Variants in TIRAP observed in about 807,000 individuals in gnomAD.
TIRAP encodes the protein toll/interleukin-1 receptor domain-containing adapter protein.
In TIRAP, 20 loss-of-function variants were observed where a neutral mutation model predicts 19.8. The ratio of observed to expected loss-of-function variants is 1.01; its 90% CI spans 0.71 to 1.47. The LOEUF is 1.47. Among genes scored for constraint, TIRAP ranks in the 40% most tolerant of loss-of-function variants. TIRAP has a pLI of 0.00. For missense variants in TIRAP, 276 were observed against 285.1 expected, an observed-to-expected ratio of 0.97 and a Z score of 0.23; for synonymous variants, 125 against 121.7, an observed-to-expected ratio of 1.03 and a Z score of -0.18.
intron 1 of TIRAP, among the ~76,000 whole-genome samples, chr11:126,289,139 C>T (rs646005): frequency 0.6 from 90,591 of 152,118 alleles, 27,983 homozygotes; most frequent in East Asian, 0.98. Flanking sequence ...CCATTCCAAC[C>T]CTTTGCTCTG....
rs747051110 is a variant in TIRAP at position 126,292,719 on chromosome 11, G to T, written c.310G>T (p.Val104Phe). The change falls in exon 4 of 5, where the codon GTC (valine) becomes TTC (phenylalanine). Residue 104 changes from valine (V) to phenylalanine (F), a missense_variant. Physicochemically the swap from Val to Phe is conservative, Grantham distance 50 (BLOSUM62 -1). Transcript: ENST00000392679. ...AGACCTGGTGGCCGCCCAGGACCTG[G>T]TCTCCTACTTGGAAGGCAGCACTGC... is the stretch of plus-strand genomic sequence containing the variant. ...EEDLVAAQDL[V>F]SYLEGSTASL... 11 of 1,613,442 alleles carry T rather than the reference G, an allele frequency of 6.8e-6. No individual in the cohort carries two copies. The African/African-American group carries it at 1.3e-4, about 20-fold the overall frequency.
rs368658841 is a variant in TIRAP, at chr11:126,291,570, G to A, written c.67+609G>A. On this transcript the variant is annotated intron_variant, in intron 3 of 4. Coordinates refer to ENST00000392679, the MANE Select transcript of TIRAP (RefSeq NM_001318777.2). This position sits in a 1 kb window ranked among gnomAD's most constrained non-coding sequence, Gnocchi z 5.6. ...AAAGCCGTGTCCCTGACTCCAGAGT[G>A]TGGGTTCTGAATCACGAAGCTCTCT... 1,017 of 513,730 alleles carry A rather than the reference G, an allele frequency of 2.0e-3. 16 individuals are homozygous for A. Among genetic ancestry groups the A allele is most frequent in the South Asian group, 0.013 (874 of 65,762 alleles). The allele number at this position is 513,730 out of a possible 1,614,324, so 31.8% of individuals were successfully genotyped here. A position where few individuals can be genotyped will look rare whatever the true frequency, so the allele number is the denominator to read the frequency against.
chr11:126,292,923 G>A lies in TIRAP; in HGVS notation c.514G>A (p.Glu172Lys), dbSNP rs777871896. The A allele has an allele frequency of 7.4e-6, 12 of 1,613,780 alleles. No homozygotes were observed. The highest frequency in any genetic ancestry group is 2.2e-5 in the South Asian group (2 of 91,078). The change falls in exon 4 of 5, where the codon GAG (glutamate) becomes AAG (lysine). Residue 172 changes from glutamate to lysine, a missense_variant. Coordinates refer to ENST00000392679, the MANE Select transcript of TIRAP (RefSeq NM_001318777.2). Reference sequence around the variant, plus strand: ...GGCCCTGACCGAGGCTCCAGGGGCCGAGGGCTGCACCATCCCCCTGCTGTC... The same window carrying A: ...GGCCCTGACCGAGGCTCCAGGGGCCAAGGGCTGCACCATCCCCCTGCTGTC... The part of the protein sequence containing the change: ...LQALTEAPGA[E>K]GCTIPLLSGL...
Position 126,292,595 on chromosome 11 carries a change from C to G in TIRAP, c.186C>G (p.Ser62Arg), listed in dbSNP as rs1374643478. ...ACAGCCCACTACCCCCAAGCCTCAG[C>G]TCAGTCACGTCTCCCAGCCTGCCAC... ...SQDSPLPPSL[S>R]SVTSPSLPPT... Residue 62 changes from serine to arginine, a missense_variant, in exon 4 of 5, where the codon AGC becomes AGG. Coordinates refer to ENST00000392679, the MANE Select transcript of TIRAP (RefSeq NM_001318777.2). 1.2e-6 allele frequency: 2 copies of G among 1,614,206 alleles called. No individual in the cohort carries two copies. Among genetic ancestry groups the G allele is most frequent in the Non-Finnish European group, 1.7e-6 (2 of 1,180,042 alleles).
chr11:126,290,853 A>C lies in TIRAP; in HGVS notation c.-42A>C. 6.4e-7 allele frequency: 1 copy of C among 1,574,690 alleles called. No individual in the cohort carries two copies. Among genetic ancestry groups the C allele is most frequent in the Non-Finnish European group, 8.6e-7 (1 of 1,158,928 alleles). On this transcript the variant is annotated 5_prime_UTR_variant, in exon 3 of 5. Coordinates refer to ENST00000392679, the MANE Select transcript of TIRAP (RefSeq NM_001318777.2). This position sits in a 1 kb window ranked among gnomAD's most constrained non-coding sequence, Gnocchi z 4.9. ...TGGGTCTCCTCCCTCCTCCCCCTTC[A>C]CCAATGCCTGGTCTCACGGGGCTAG...
In TIRAP at chr11:126,294,686, G is replaced by A. The variant is rs1951451800; in HGVS notation, c.*999G>A. 1 of 369,064 alleles carries A rather than the reference G, an allele frequency of 2.7e-6. No individual in the cohort carries two copies. The highest frequency in any genetic ancestry group is 5.5e-6 in the Non-Finnish European group (1 of 182,574). 22.9% of individuals were successfully genotyped at this position (369,064 alleles called of 1,614,324 possible). A position where few individuals can be genotyped will look rare whatever the true frequency, so the allele number is the denominator to read the frequency against. On this transcript the variant is annotated 3_prime_UTR_variant, in exon 5 of 5. Transcript: ENST00000392679. Reference sequence around the variant, plus strand: ...AATGAATTTCATTATTTCCTCCAATGTGTACTTTTGTGCCCCCCTCTCACT... The same window carrying A: ...AATGAATTTCATTATTTCCTCCAATATGTACTTTTGTGCCCCCCTCTCACT...
rs1049444148 is a variant in TIRAP at position 126,287,487 on chromosome 11, A to T, written c.-216-2975A>T. Among the ~76,000 whole-genome samples, 1 of 150,958 alleles carries T rather than the reference A, an allele frequency of 6.6e-6. No homozygotes were observed. The highest frequency in any genetic ancestry group is 2.5e-5 in the African/African-American group (1 of 40,478). On this transcript the variant is annotated intron_variant, in intron 1 of 4. Coordinates refer to ENST00000392679, the MANE Select transcript of TIRAP (RefSeq NM_001318777.2). This position sits in a 1 kb window ranked among gnomAD's most constrained non-coding sequence, Gnocchi z 4.2. ...AGGCACGCACCACCACGCTTAGCTAATTTTTGTATTTTTAGTAGAGACAGG... is the reference window on the plus strand; with the variant it reads ...AGGCACGCACCACCACGCTTAGCTATTTTTTGTATTTTTAGTAGAGACAGG...
At position 126,291,150 on chromosome 11, in the gene TIRAP, C is replaced by A; in HGVS notation, c.67+189C>A. ...TGAGGAGGGGAGGCCTGCGTCAGCT[C>A]AGCCAGATCTTTATCCTTTTGGCTC... On this transcript the variant is annotated intron_variant, in intron 3 of 4. Coordinates refer to ENST00000392679, the MANE Select transcript of TIRAP (RefSeq NM_001318777.2). The surrounding 1 kb of genome is among the most constrained non-coding windows in gnomAD (Gnocchi z 5.6). 1.4e-6 allele frequency: 1 copy of A among 729,430 alleles called. No homozygotes were observed. The allele number at this position is 729,430 out of a possible 1,614,324, so 45.2% of individuals were successfully genotyped here. A position where few individuals can be genotyped will look rare whatever the true frequency, so the allele number is the denominator to read the frequency against.
In TIRAP at chr11:126,287,713, T is replaced by C. The variant is rs559126856; in HGVS notation, c.-216-2749T>C. The stretch of plus-strand genomic sequence containing the variant: ...AAAGCATTCTAGAAAGCACTAAAGG[T>C]ATTGTGCTACTTCTTTTCTGAAGAA... On this transcript the variant is annotated intron_variant, in intron 1 of 4. Transcript: ENST00000392679. This position sits in a 1 kb window ranked among gnomAD's most constrained non-coding sequence, Gnocchi z 4.2. Among the ~76,000 whole-genome samples the C allele has an allele frequency of 3.0e-4, 46 of 152,236 alleles. No homozygotes were observed. The highest frequency in any genetic ancestry group is 1.1e-3 in the African/African-American group (44 of 41,532).
Position 126,287,009 on chromosome 11 carries a change from T to TCC in TIRAP, c.-216-3452_-216-3451insCC, listed in dbSNP as rs1951329637. ...CCTTCCTGCCTCCCTCTTGAAAGGATCTTTGTGGTTACATTAAACTCACCT... is the reference window on the plus strand; with the variant it reads ...CCTTCCTGCCTCCCTCTTGAAAGGATCCCTTTGTGGTTACATTAAACTCACCT... On this transcript the variant is annotated intron_variant, in intron 1 of 4. Coordinates refer to ENST00000392679, the MANE Select transcript of TIRAP (RefSeq NM_001318777.2). The surrounding 1 kb of genome is among the most constrained non-coding windows in gnomAD (Gnocchi z 4.2). 6.6e-6 allele frequency among the ~76,000 whole-genome samples: 1 copy of TCC among 152,144 alleles called. No homozygotes were observed. The highest frequency in any genetic ancestry group is 6.5e-5 in the Admixed American group (1 of 15,278).
chr11:126,285,592 G>A (rs537974263), intron 1 of TIRAP, among the ~76,000 whole-genome samples: 2 of 151,888 alleles, frequency 1.3e-5, no homozygotes, highest in East Asian at 1.9e-4. Context: ...TTTAACCCTC[G>A]GGAGATTGCC....
chr11:126,292,782 C>T lies in TIRAP; in HGVS notation c.373C>T (p.Pro125Ser). 3 of 1,612,886 alleles carry T rather than the reference C, an allele frequency of 1.9e-6. No individual in the cohort carries two copies. Among genetic ancestry groups the T allele is most frequent in the Non-Finnish European group, 2.5e-6 (3 of 1,179,750 alleles). Reference sequence around the variant, plus strand: ...CTTCCTGCAACTCCGGGATGCAACCCCAGGCGGCGCTATAGTGTCCGAGCT... The same window carrying T: ...CTTCCTGCAACTCCGGGATGCAACCTCAGGCGGCGCTATAGTGTCCGAGCT... Reference protein sequence around the residue: ...RCFLQLRDATPGGAIVSELCQ... With the variant: ...RCFLQLRDATSGGAIVSELCQ... Residue 125 changes from proline (P) to serine (S), a missense_variant, in exon 4 of 5, where the codon CCA becomes TCA. Pro to Ser is a moderately conservative substitution (Grantham distance 74). Transcript: ENST00000392679.
Position 126,290,209 on chromosome 11 carries a change from C to T in TIRAP, c.-216-253C>T, listed in dbSNP as rs905561127. ...AGTTTAGCAAGGTGGCCAAAGGTCA[C>T]GGTTAACCAGAGATGAGAATCAGGC... On this transcript the variant is annotated intron_variant, in intron 1 of 4. Transcript: ENST00000392679. This position sits in a 1 kb window ranked among gnomAD's most constrained non-coding sequence, Gnocchi z 4.9. Among the ~76,000 whole-genome samples the T allele has an allele frequency of 7.9e-5, 12 of 152,182 alleles. No homozygotes were observed. Among genetic ancestry groups the T allele is most frequent in the East Asian group, 3.8e-4 (2 of 5,198 alleles).
rs754727557 is a variant in TIRAP at position 126,292,677 on chromosome 11, G to A, written c.268G>A (p.Val90Met). ...CTGGAGCAAAGACTATGACGTCTGC[G>A]TGTGCCACAGTGAGGAAGACCTGGT... ...SRWSKDYDVCVCHSEEDLVAA... is the reference protein window; with the variant it reads ...SRWSKDYDVCMCHSEEDLVAA... The change falls in exon 4 of 5, where the codon GTG (valine) becomes ATG (methionine). Residue 90 changes from valine to methionine, a missense_variant. Physicochemically the swap from Val to Met is conservative, Grantham distance 21. Transcript: ENST00000392679. 1.6e-5 allele frequency: 26 copies of A among 1,613,974 alleles called. No individual in the cohort carries two copies. Among genetic ancestry groups the A allele is most frequent in the Admixed American group, 1.0e-4 (6 of 60,002 alleles).
chr11:126,287,310 C>G lies in TIRAP; in HGVS notation c.-216-3152C>G, dbSNP rs1018026657. ...CCAGTTTGATATTGGATACTAAATA[C>G]ACTTTGGATTTTTTTTTTTTTATTT... On this transcript the variant is annotated intron_variant, in intron 1 of 4. Transcript: ENST00000392679. The surrounding 1 kb of genome is among the most constrained non-coding windows in gnomAD (Gnocchi z 4.2). Among the ~76,000 whole-genome samples, 9 of 150,362 alleles carry G rather than the reference C, an allele frequency of 6.0e-5. No homozygotes were observed. Among genetic ancestry groups the G allele is most frequent in the African/African-American group, 1.9e-4 (8 of 41,144 alleles).
chr11:126,293,156 G>A (rs770014584), intron 4 of TIRAP, 101 bp downstream of exon 4: 16 of 1,579,226 alleles, frequency 1.0e-5, no homozygotes, highest in African/African-American at 5.4e-5. Context: ...AGTTCAAAGC[G>A]CAGCTTCTGG....
intron 4 of TIRAP, chr11:126,293,393 A>G (rs991451023): frequency 2.8e-5 from 20 of 703,552 alleles, no homozygotes; most frequent in Non-Finnish European, 4.7e-5. Context: ...GTTAATAGCT[A>G]GTAGTAGTAA....
rs756386841 is a variant in TIRAP, at chr11:126,292,866, C to G, written c.457C>G (p.Gln153Glu). 2.2e-5 allele frequency: 35 copies of G among 1,613,268 alleles called. No individual in the cohort carries two copies. In the African/African-American group the frequency reaches 4.4e-4, roughly 20 times the overall value. ...GCTGCTCATCACGCCGGGCTTCCTT[C>G]AGGACCCCTGGTGCAAGTACCAGAT... ...RVLLITPGFL[Q>E]DPWCKYQMLQ... Residue 153 changes from glutamine to glutamate, a missense_variant, in exon 4 of 5, where the codon CAG (glutamine) becomes GAG (glutamate). Transcript: ENST00000392679.
Position 126,290,653 on chromosome 11 carries a change from G to T in TIRAP, c.-93+68G>T. 2 of 1,318,118 alleles carry T rather than the reference G, an allele frequency of 1.5e-6. No individual in the cohort carries two copies. The highest frequency in any genetic ancestry group is 1.9e-6 in the Non-Finnish European group (2 of 1,037,662). The allele number at this position is 1,318,118 out of a possible 1,614,324, so 81.7% of individuals were successfully genotyped here. A position where few individuals can be genotyped will look rare whatever the true frequency, so the allele number is the denominator to read the frequency against. ...CCAGCTCCAATCACAGTCGTGTCTG[G>T]CCCTAATCTCATGAGGAATGAAAGA... On this transcript the variant is annotated intron_variant, in intron 2 of 4. Coordinates refer to ENST00000392679, the MANE Select transcript of TIRAP (RefSeq NM_001318777.2). This position sits in a 1 kb window ranked among gnomAD's most constrained non-coding sequence, Gnocchi z 4.9.
Sources: allele counts gnomAD v4.1 joint callset (sites outside exome capture counted in the v4.1 genomes callset), GRCh38; gene constraint gnomAD v4.1.1; non-coding constraint Gnocchi (gnomAD v3.1); transcripts MANE v1.5; gene names NCBI Gene and HGNC (gene_info 2026-07-23, HGNC 2026-07-21).